The following MCPH1 variants were observed in gnomAD, a reference collection of about 807,000 sequenced individuals.
The protein encoded by MCPH1 is microcephalin.
A neutral mutation model predicts 84.5 loss-of-function variants in MCPH1; 104 were observed. That is an observed-to-expected ratio of 1.23 (90% CI 1.05 to 1.45). MCPH1 has a LOEUF of 1.45. Ranked by LOEUF, MCPH1 falls within the 40% of genes most tolerant of loss-of-function variation. The probability of loss-of-function intolerance (pLI) is 0.00; values close to 1 mark genes in which losing one functional copy is unlikely to be tolerated. For missense variants in MCPH1, 1,498 were observed against 1,005.7 expected, an observed-to-expected ratio of 1.49 and a Z score of -6.62; for synonymous variants, 514 against 366.8, an observed-to-expected ratio of 1.40 and a Z score of -4.58.
chr8:6,555,308 C>T (rs1372321613), intron 12 of MCPH1, among the ~76,000 whole-genome samples: 4 of 152,154 alleles, frequency 2.6e-5, no homozygotes, highest in Non-Finnish European at 5.9e-5. Flanking sequence ...GGCTGAATTT[C>T]GTCGTCCTGC....
chr8:6,626,250 C>T (rs1414062279), intron 13 of MCPH1: 3 of 985,264 alleles, frequency 3.0e-6, no homozygotes, highest in Admixed American at 6.2e-5. Context: ...CTCAACAGGG[C>T]TCAGTATACA....
chr8:6,505,287 T>TAAGAA (rs554257480), intron 12 of MCPH1, among the ~76,000 whole-genome samples: 1 of 89,418 alleles, frequency 1.1e-5, no homozygotes, highest in Non-Finnish European at 1.9e-5. Flanking sequence ...CATATATATG[T>TAAGAA]TATATACATA....
intron 13 of MCPH1, chr8:6,622,077 C>A (rs1469229613): frequency 8.5e-6 from 3 of 354,112 alleles, no homozygotes; most frequent in Non-Finnish European, 1.7e-5. Context: ...GCGCCCGGCA[C>A]TGGGGCCCAA....
At chr8:6,428,090 A>AT (rs202041526) in intron 3 of MCPH1, among the ~76,000 whole-genome samples, 33 of 150,882 alleles carry the variant, frequency 2.2e-4, no homozygotes, top group African/African-American at 5.1e-4. Flanking sequence ...CCTATACTGT[A>AT]TTTTTTTTTT....
intron 10 of MCPH1, among the ~76,000 whole-genome samples, chr8:6,480,247 C>G (rs1809025262): frequency 6.6e-6 from 1 of 152,008 alleles, no homozygotes; most frequent in Non-Finnish European, 1.5e-5. Context: ...GCCTCAGCCT[C>G]CTGAGTAGCT....
intron 12 of MCPH1, among the ~76,000 whole-genome samples, chr8:6,584,879 C>A (rs1019079469): frequency 2.0e-5 from 3 of 152,152 alleles, no homozygotes; most frequent in African/African-American, 7.2e-5. Context: ...ATTTGATTAA[C>A]AAATAGCAAA....
intron 12 of MCPH1, among the ~76,000 whole-genome samples, chr8:6,605,570 C>A (rs1829700921): frequency 6.6e-6 from 1 of 152,216 alleles, no homozygotes; most frequent in African/African-American, 2.4e-5. Context: ...GTAGCCAGAC[C>A]ACATAGTAGC....
Position 6,414,840 on chromosome 8 carries a change from C to A in MCPH1, c.190C>A (p.Gln64Lys), listed in dbSNP as rs1799033848. ...CTACCAGAGCACTTGGGACAAAGCT[C>A]AGAAGAGAGGCGTAAAGCTCGTTTC... is the stretch of plus-strand genomic sequence containing the variant. The part of the protein sequence containing the change: ...DGYQSTWDKA[Q>K]KRGVKLVSVL... The change falls in exon 3 of 14, where the codon CAG (glutamine) becomes AAG (lysine). Residue 64 changes from glutamine (Q) to lysine (K), a missense_variant. Gln to Lys is a moderately conservative substitution (Grantham distance 53, BLOSUM62 1). Transcript: ENST00000344683. 1 of 1,613,558 alleles carries A rather than the reference C, an allele frequency of 6.2e-7. No individual in the cohort carries two copies. The highest frequency in any genetic ancestry group is 1.3e-5 in the African/African-American group (1 of 74,788).
intron 11 of MCPH1, among the ~76,000 whole-genome samples, chr8:6,489,203 A>G (rs1369477534): frequency 6.6e-6 from 1 of 152,184 alleles, no homozygotes; most frequent in South Asian, 2.1e-4. Flanking sequence ...GGAAAGGTTA[A>G]CTATTCACTC....
intron 11 of MCPH1, among the ~76,000 whole-genome samples, chr8:6,486,993 T>C (rs942304743): frequency 3.3e-5 from 5 of 152,224 alleles, no homozygotes; most frequent in Admixed American, 1.3e-4. Flanking sequence ...AAGCAGAGTG[T>C]CCTGTGATTC....
chr8:6,616,617 G>A (rs1192242837), intron 12 of MCPH1: 1 of 152,264 alleles, frequency 6.6e-6, no homozygotes, highest in African/African-American at 2.4e-5. Context: ...GGGCTCCTAG[G>A]AGGAGCTCAT....
chr8:6,641,246 C>T (rs899182697), intron 13 of MCPH1, among the ~76,000 whole-genome samples: 2 of 152,080 alleles, frequency 1.3e-5, no homozygotes, highest in African/African-American at 4.8e-5. Context: ...GACACCTAGT[C>T]AGAAAACTAA....
At chr8:6,518,364 CT>C (rs908643574) in intron 12 of MCPH1, among the ~76,000 whole-genome samples, 1 of 152,214 alleles carries the variant, frequency 6.6e-6, no homozygotes, top group African/African-American at 2.4e-5. Context: ...TGTTCGTTGC[CT>C]TTTCATCTGC....
At chr8:6,640,754 C>T (rs1157591011) in intron 13 of MCPH1, among the ~76,000 whole-genome samples, 1 of 152,362 alleles carries the variant, frequency 6.6e-6, no homozygotes, top group Non-Finnish European at 1.5e-5. Context: ...AGGCCTTCCT[C>T]ACCCTCTGAG....
At chr8:6,633,011 C>T (rs543155233) in intron 13 of MCPH1, among the ~76,000 whole-genome samples, 2 of 145,350 alleles carry the variant, frequency 1.4e-5, no homozygotes, top group African/African-American at 2.5e-5. Flanking sequence ...GATTCAATGC[C>T]GAGTAATGAT....
intron 8 of MCPH1, 58 bp downstream of exon 8, chr8:6,445,605 C>A: frequency 4.0e-6 from 6 of 1,518,518 alleles, no homozygotes; most frequent in Non-Finnish European, 5.3e-6. Flanking sequence ...ACAGTGCATC[C>A]ATATTTTAAA....
At chr8:6,414,673 C>A (rs879161711) in intron 2 of MCPH1, 92 bp from the exon 3 acceptor site, 1 of 1,398,900 alleles carries the variant, frequency 7.1e-7, no homozygotes. Flanking sequence ...TGTTGAGAAA[C>A]AGAATTGCTG....
At chr8:6,412,377 T>C (rs1199792483) in intron 2 of MCPH1, among the ~76,000 whole-genome samples, 1 of 152,248 alleles carries the variant, frequency 6.6e-6, no homozygotes, top group East Asian at 1.9e-4. Flanking sequence ...TTTAGAACTT[T>C]TTGGTTTCAC....
In MCPH1 at chr8:6,477,061, T is replaced by TA. The variant is rs1808561892; in HGVS notation, c.1936-530dup. Among the ~76,000 whole-genome samples the TA allele has an allele frequency of 1.0e-3, 4 of 3,854 alleles. No individual in the cohort carries two copies. The South Asian group carries it at 0.4, about 385-fold the overall frequency. 2.5% of individuals were successfully genotyped at this position (3,854 alleles called of 152,430 possible). A position where few individuals can be genotyped will look rare whatever the true frequency, so the allele number is the denominator to read the frequency against. On this transcript the variant is annotated intron_variant, in intron 9 of 13. Coordinates refer to ENST00000344683, the MANE Select transcript of MCPH1 (RefSeq NM_024596.5). ...CAAAAAAAAAATTAAACATTTTATT[T>TA]AAATTTTTTTCAATTCCAGTTGATA... is the stretch of plus-strand genomic sequence containing the variant.
Sources: gnomAD v4.1 joint callset for allele counts (sites outside exome capture counted in the v4.1 genomes callset) on GRCh38, gnomAD v4.1.1 for gene constraint, MANE v1.5 for transcripts, NCBI Gene and HGNC (gene_info 2026-07-23, HGNC 2026-07-21) for gene names.